The following ACSL4 variants were observed in gnomAD, a reference collection of about 807,000 sequenced individuals.
ACSL4 encodes long-chain-fatty-acid--CoA ligase 4.
ACSL4 carries 9 observed loss-of-function variants against 49.1 expected under a neutral mutation model. The observed-to-expected ratio is 0.18, with a 90% CI of 0.11 to 0.32. ACSL4 has a LOEUF of 0.32. ACSL4 is among the 10% of genes least tolerant of loss of function. ACSL4 has a pLI of 1.00. For synonymous variants in ACSL4, 191 were observed against 170.3 expected (o/e 1.12, Z -0.95); for missense variants, 333 against 493.7 (o/e 0.67, Z 3.08).
chrX:109,671,819 G>T (rs1312397379), intron 9 of ACSL4, among the ~76,000 whole-genome samples: 4 of 110,830 alleles, frequency 3.6e-5, no homozygotes, highest in Non-Finnish European at 7.6e-5. Context: ...GTCCACTAAG[G>T]GTTAAATGGA....
chrX:109,657,223 A>AT (rs1437631341), intron 15 of ACSL4, among the ~76,000 whole-genome samples: 1 of 110,821 alleles, frequency 9.0e-6, no homozygotes, highest in Non-Finnish European at 1.9e-5. Flanking sequence ...TTTTATTTTT[A>AT]TTTTTTTATA....
chrX:109,704,003 G>C (rs756286169), intron 1 of ACSL4, among the ~76,000 whole-genome samples: 1 of 110,910 alleles, frequency 9.0e-6, no homozygotes, highest in African/African-American at 3.3e-5. Context: ...TTGGCTGTTT[G>C]TTTTTTAGTT....
intron 15 of ACSL4, among the ~76,000 whole-genome samples, chrX:109,648,514 G>A (rs1304753419): frequency 9.0e-6 from 1 of 111,101 alleles, no homozygotes; most frequent in Non-Finnish European, 1.9e-5. Flanking sequence ...AGGTATTGAT[G>A]GGACGTATTT....
chrX:109,656,160 T>C (rs1292206534), intron 15 of ACSL4, among the ~76,000 whole-genome samples: 1 of 110,951 alleles, frequency 9.0e-6, no homozygotes. Flanking sequence ...AGCATGAGGA[T>C]AAAGGGCTCT....
chrX:109,668,345 T>C, intron 10 of ACSL4, 72 bp from the exon 11 acceptor site: 1 of 939,892 alleles, frequency 1.1e-6, no homozygotes, highest in Non-Finnish European at 1.5e-6. Flanking sequence ...ATTTATAAGC[T>C]CTGGGAAAGA....
At chrX:109,676,942 A>T (rs1923745390) in intron 8 of ACSL4, among the ~76,000 whole-genome samples, 1 of 111,999 alleles carries the variant, frequency 8.9e-6, no homozygotes, top group African/African-American at 3.2e-5. Context: ...GCAAATAAAA[A>T]AATTTTTTTC....
chrX:109,717,595 A>T (rs1054531625), intron 1 of ACSL4, among the ~76,000 whole-genome samples: 9 of 111,821 alleles, frequency 8.0e-5, no homozygotes, highest in Non-Finnish European at 1.5e-4. Flanking sequence ...AGTAGAAGGG[A>T]ATGACATTGA....
chrX:109,653,713 C>A (rs1456968912), intron 15 of ACSL4, among the ~76,000 whole-genome samples: 4 of 109,368 alleles, frequency 3.7e-5, no homozygotes, highest in East Asian at 2.9e-4. Flanking sequence ...GGACAAAAAA[C>A]CAAACACCGC....
chrX:109,667,153 T>G lies in ACSL4; in HGVS notation c.1315+948A>C, dbSNP rs746095056. ...GACAGTTTAGAATAATGGCATTGAT[T>G]TTGGACACAATGAGTTTAAAGCGAA... On this transcript the variant is annotated intron_variant, in intron 11 of 15. Coordinates refer to ENST00000672401, the MANE Select transcript of ACSL4 (RefSeq NM_001318510.2). Among the ~76,000 whole-genome samples the G allele has an allele frequency of 1.7e-3, 194 of 112,531 alleles. 1 individual carries two copies. The highest frequency in any genetic ancestry group is 6.1e-3 in the African/African-American group (189 of 30,982).
At chrX:109,699,029 A>G (rs777486683) in intron 1 of ACSL4, among the ~76,000 whole-genome samples, 1 of 112,810 alleles carries the variant, frequency 8.9e-6, no homozygotes, top group African/African-American at 3.2e-5. Flanking sequence ...ATCGATCTTA[A>G]TAAGTTTAAA....
At chrX:109,665,583 C>G in intron 11 of ACSL4, 89 bp from the exon 12 acceptor site, 2 of 806,394 alleles carry the variant, frequency 2.5e-6, no homozygotes, top group South Asian at 4.2e-5. Context: ...GAACCAGAGT[C>G]AGAAAAATGA....
At chrX:109,680,066 C>T (rs1924043919) in intron 6 of ACSL4, among the ~76,000 whole-genome samples, 1 of 112,074 alleles carries the variant, frequency 8.9e-6, no homozygotes, top group Non-Finnish European at 1.9e-5. Context: ...CTGTCCAGTA[C>T]AATAAGATAA....
intron 2 of ACSL4, among the ~76,000 whole-genome samples, chrX:109,690,382 T>C (rs1254469742): frequency 8.9e-6 from 1 of 112,124 alleles, no homozygotes; most frequent in Non-Finnish European, 1.9e-5. Context: ...GATAGTTAAT[T>C]GCTCCTGTTG....
intron 8 of ACSL4, 34 bp downstream of exon 8, chrX:109,677,954 T>C (rs915288806): frequency 7.0e-5 from 85 of 1,208,483 alleles, no homozygotes; most frequent in Non-Finnish European, 9.4e-5. Flanking sequence ...TGCAGCATCA[T>C]ACGATCATGC....
intron 1 of ACSL4, among the ~76,000 whole-genome samples, chrX:109,731,396 G>C (rs978669848): frequency 6.3e-5 from 7 of 110,294 alleles, no homozygotes; most frequent in African/African-American, 2.3e-4. Context: ...GAAGTGACTT[G>C]TTCAAGGTTA....
chrX:109,647,637 T>C (rs1263063055), intron 15 of ACSL4, among the ~76,000 whole-genome samples: 4 of 110,582 alleles, frequency 3.6e-5, no homozygotes, highest in African/African-American at 1.3e-4. Flanking sequence ...AACAAACACA[T>C]TCAAAAGCTA....
chrX:109,664,461 G>C, intron 12 of ACSL4, among the ~76,000 whole-genome samples: 1 of 111,612 alleles, frequency 9.0e-6, no homozygotes, highest in Non-Finnish European at 1.9e-5. Context: ...GGTAAAATTG[G>C]AATGCCATTA....
chrX:109,664,927 T>C (rs1360019681), intron 12 of ACSL4, among the ~76,000 whole-genome samples: 1 of 112,042 alleles, frequency 8.9e-6, no homozygotes, highest in Admixed American at 9.5e-5. Flanking sequence ...TCAATGTCTC[T>C]AGTTTTCTTC....
At chrX:109,701,437 G>T (rs1023743726) in intron 1 of ACSL4, among the ~76,000 whole-genome samples, 1 of 110,221 alleles carries the variant, frequency 9.1e-6, no homozygotes, top group Non-Finnish European at 1.9e-5. Context: ...AGCTGGTCTT[G>T]AACTCCTGAC....
Sources: gnomAD v4.1 joint callset for allele counts (sites outside exome capture counted in the v4.1 genomes callset) on GRCh38, gnomAD v4.1.1 for gene constraint, MANE v1.5 for transcripts, NCBI Gene and HGNC (gene_info 2026-07-23, HGNC 2026-07-21) for gene names.